ATP1A4: variants seen among roughly 807,000 people sequenced by gnomAD.
ATP1A4 encodes sodium/potassium-transporting ATPase subunit alpha-4.
ATP1A4 carries 90 observed loss-of-function variants against 114.3 expected under a neutral mutation model. The observed-to-expected ratio is 0.79, with a 90% confidence interval of 0.66 to 0.94. The LOEUF is 0.94. Ranked by LOEUF, ATP1A4 falls within the 40% of genes least tolerant of loss-of-function variation. ATP1A4 has a pLI of 0.00. For synonymous variants in ATP1A4, 511 were observed against 494.1 expected (o/e 1.03, Z -0.45); for missense variants, 1,222 against 1,313.6 (o/e 0.93, Z 1.08).
Position 160,177,597 on chromosome 1 carries a change from T to C in ATP1A4, c.2669T>C (p.Leu890Pro). The C allele has an allele frequency of 1.2e-6, 2 of 1,614,212 alleles. No individual in the cohort carries two copies. Among genetic ancestry groups the C allele is most frequent in the South Asian group, 1.1e-5 (1 of 91,082 alleles). Residue 890 changes from leucine to proline, a missense_variant, in exon 18 of 22, where the codon CTG becomes CCG. Leu to Pro is a moderately conservative substitution (Grantham distance 98). Coordinates refer to ENST00000368081, the MANE Select transcript of ATP1A4 (RefSeq NM_144699.4). Reference sequence around the variant, plus strand: ...AATGGTTTTAGGCCTGTTGATCTGCTGGGCATCCGCCTCCACTGGGAAGAT... The same window carrying C: ...AATGGTTTTAGGCCTGTTGATCTGCCGGGCATCCGCCTCCACTGGGAAGAT... The part of the protein sequence containing the change: ...AENGFRPVDL[L>P]GIRLHWEDKY...
rs1436275479 is a variant in ATP1A4 at position 160,176,606 on chromosome 1, C to T, written c.2590+4C>T. The T allele has an allele frequency of 6.8e-6, 11 of 1,613,060 alleles. No homozygotes were observed. Among genetic ancestry groups the T allele is most frequent in the Admixed American group, 1.7e-5 (1 of 59,988 alleles). ...GGCATGGCCTATGGACAGATTGGTG[C>T]GCCCAGAGGAATGAGGGGTGGAGGG... On this transcript the variant is annotated splice_donor_region_variant and intron_variant, in intron 17 of 21. Transcript: ENST00000368081.
In ATP1A4 at chr1:160,164,412, G is replaced by T. The variant is rs758204356; in HGVS notation, c.1035G>T (p.Leu345Phe). 2 of 1,614,092 alleles carry T rather than the reference G, an allele frequency of 1.2e-6. No individual in the cohort carries two copies. The change falls in exon 7 of 22, where the codon TTG (leucine) becomes TTT (phenylalanine). Residue 345 changes from leucine to phenylalanine, a missense_variant. Coordinates refer to ENST00000368081, the MANE Select transcript of ATP1A4 (RefSeq NM_144699.4). ...TGGCCAATGTGCCTGAGGGGCTGTT[G>T]GCCACAGTCACTGTGAGTAGACAGG... ...IIVANVPEGL[L>F]ATVTVCLTLT...
At position 160,176,565 on chromosome 1, in the gene ATP1A4, G is replaced by A; in HGVS notation, c.2553G>A (p.Val851=). ...GGAACCCAAAGACGGATAATCTGGT[G>A]AACCACCGTCTCATTGGCATGGCCT... The part of the protein sequence containing the change: ...LPRNPKTDNL[V]NHRLIGMAYG... The change falls in exon 17 of 22, where the codon GTG becomes GTA. Residue 851 remains valine, a synonymous_variant. Coordinates refer to ENST00000368081, the MANE Select transcript of ATP1A4 (RefSeq NM_144699.4). The A allele has an allele frequency of 6.2e-7, 1 of 1,614,124 alleles. No homozygotes were observed. Among genetic ancestry groups the A allele is most frequent in the Non-Finnish European group, 8.5e-7 (1 of 1,180,018 alleles).
At chr1:160,153,897 G>T (rs1255462698) in intron 2 of ATP1A4, among the ~76,000 whole-genome samples, 2 of 152,166 alleles carry the variant, frequency 1.3e-5, no homozygotes, top group Non-Finnish European at 2.9e-5. Context: ...TGGACCCCCT[G>T]AAAGGGTTTT....
Position 160,171,274 on chromosome 1 carries a change from C to A in ATP1A4, c.1515C>A (p.Asp505Glu), listed in dbSNP as rs760910264. ...KYQMSIHLRE[D>E]SSQTHVLMMK... ...AGATGTCCATCCACCTTCGGGAGGACAGCTCCCAGACCCACGTACTGATGA... is the reference window on the plus strand; with the variant it reads ...AGATGTCCATCCACCTTCGGGAGGAAAGCTCCCAGACCCACGTACTGATGA... Residue 505 changes from aspartate (D) to glutamate (E), a missense_variant, in exon 11 of 22, where the codon GAC (aspartate) becomes GAA (glutamate). Transcript: ENST00000368081. 6.2e-7 allele frequency: 1 copy of A among 1,613,878 alleles called. No individual in the cohort carries two copies. The highest frequency in any genetic ancestry group is 1.1e-5 in the South Asian group (1 of 91,046).
intron 18 of ATP1A4, among the ~76,000 whole-genome samples, chr1:160,180,738 G>A (rs980893612): frequency 1.9e-5 from 2 of 103,462 alleles, no homozygotes; most frequent in Non-Finnish European, 1.7e-5. Context: ...TTTTTGAGAC[G>A]GAGTCTCGCT....
Position 160,164,376 on chromosome 1 carries a change from T to G in ATP1A4, c.999T>G (p.Ile333Met). 1.2e-6 allele frequency: 2 copies of G among 1,614,146 alleles called. No homozygotes were observed. The highest frequency in any genetic ancestry group is 2.2e-5 in the South Asian group (2 of 91,078). ...YGWLEAIIFL[I>M]GIIVANVPEG... is the part of the protein sequence containing the mutation. ...GGCTGGAGGCTATCATTTTTCTCAT[T>G]GGCATCATTGTGGCCAATGTGCCTG... The change falls in exon 7 of 22, where the codon ATT (isoleucine) becomes ATG (methionine). Residue 333 changes from isoleucine (I) to methionine (M), a missense_variant. Ile to Met is a conservative substitution (Grantham distance 10). Transcript: ENST00000368081.
chr1:160,180,019 C>A (rs1653623519), intron 18 of ATP1A4, among the ~76,000 whole-genome samples: 1 of 152,236 alleles, frequency 6.6e-6, no homozygotes, highest in Non-Finnish European at 1.5e-5. Context: ...GAGTACAGGA[C>A]AACATCATTG....
chr1:160,185,617 C>G (rs1215880306), intron 20 of ATP1A4, among the ~76,000 whole-genome samples: 2 of 151,818 alleles, frequency 1.3e-5, no homozygotes, highest in Non-Finnish European at 2.9e-5. Context: ...GAAACCCCAT[C>G]TCTCCTAAAA....
intron 18 of ATP1A4, among the ~76,000 whole-genome samples, chr1:160,178,684 A>C (rs538327833): frequency 1.2e-4 from 19 of 152,300 alleles, no homozygotes; most frequent in Admixed American, 2.0e-4. Context: ...AAAGAAAAAA[A>C]AAAACAAAAC....
At chr1:160,172,730 T>A (rs935357777) in intron 12 of ATP1A4, among the ~76,000 whole-genome samples, 1 of 152,178 alleles carries the variant, frequency 6.6e-6, no homozygotes, top group African/African-American at 2.4e-5. Flanking sequence ...GAACTAGGTG[T>A]TCTCTGTTGG....
rs766625699 is a variant in ATP1A4 at position 160,171,591 on chromosome 1, GC to G, written c.1689del (p.Phe564SerfsTer2). The stretch of plus-strand genomic sequence containing the variant: ...TCCCTCTGTCTCTCTCCAGGCTTCT[GC>G]TTCTTGAATCTGCCTAGCAGCTTCT... ...GGLGERVLGF[C>X]FLNLPSSFSK... On this transcript the variant is annotated frameshift_variant, in exon 12 of 22. Transcript: ENST00000368081. LOFTEE classifies it high-confidence loss of function. 8 of 1,613,636 alleles carry G rather than the reference GC, an allele frequency of 5.0e-6. No individual in the cohort carries two copies. In the African/African-American group the frequency reaches 9.3e-5, roughly 19 times the overall value.
chr1:160,170,081 G>A (rs904050519), intron 10 of ATP1A4: 1 of 152,216 alleles, frequency 6.6e-6, no homozygotes, highest in Non-Finnish European at 1.5e-5. Context: ...CTGAGGTCAG[G>A]AATTCAAGAC....
rs772075724 is a variant in ATP1A4, at chr1:160,176,079, C to T, written c.2312-13C>T. 1.6e-5 allele frequency: 26 copies of T among 1,613,870 alleles called. No individual in the cohort carries two copies. In the South Asian group the frequency reaches 2.7e-4, roughly 17 times the overall value. On this transcript the variant is annotated splice_polypyrimidine_tract_variant and intron_variant, in intron 15 of 21. Transcript: ENST00000368081. ...CCCAGGGCTTCTCACAGGAGGTTGACCTTCCTCCCCAGGCCGCCTGATCTT... is the reference window on the plus strand; with the variant it reads ...CCCAGGGCTTCTCACAGGAGGTTGATCTTCCTCCCCAGGCCGCCTGATCTT...
intron 1 of ATP1A4, 142 bp downstream of exon 1, chr1:160,152,329 TAAAAA>T: frequency 5.9e-6 from 4 of 683,098 alleles, no homozygotes; most frequent in South Asian, 2.8e-5. Flanking sequence ...AGGAGAGGGT[TAAAAA>T]AAAAAAAAAA....
chr1:160,156,835 G>A (rs944093660), intron 4 of ATP1A4, among the ~76,000 whole-genome samples: 10 of 152,222 alleles, frequency 6.6e-5, no homozygotes, highest in South Asian at 2.1e-4. Context: ...CAACTATTCC[G>A]AGGGTGGTGG....
rs142655025 is a variant in ATP1A4, at chr1:160,178,133, G to A, written c.2736+469G>A. On this transcript the variant is annotated intron_variant, in intron 18 of 21. Coordinates refer to ENST00000368081, the MANE Select transcript of ATP1A4 (RefSeq NM_144699.4). ...GCACTTTGGGAGGCCGAAGTGGGCG[G>A]ATCACTTGAGGTTGGGAGTTGAGAC... 4.8e-3 allele frequency among the ~76,000 whole-genome samples: 728 copies of A among 152,166 alleles called. 8 individuals carry two copies. The highest frequency in any genetic ancestry group is 0.017 in the African/African-American group (706 of 41,484).
intron 10 of ATP1A4, chr1:160,170,681 T>C (rs2101642254): frequency 6.6e-6 from 1 of 151,396 alleles, no homozygotes; most frequent in South Asian, 2.1e-4. Flanking sequence ...CTTCCAGGGT[T>C]CCAGCGATTC....
chr1:160,167,940 T>C (rs1030875974), intron 10 of ATP1A4, among the ~76,000 whole-genome samples: 1 of 152,238 alleles, frequency 6.6e-6, no homozygotes, highest in African/African-American at 2.4e-5. Context: ...CTGTGTGTCT[T>C]GTAACTTCTT....
Sources: gnomAD v4.1 joint callset for allele counts (sites outside exome capture counted in the v4.1 genomes callset) on GRCh38, gnomAD v4.1.1 for gene constraint, MANE v1.5 for transcripts, NCBI Gene and HGNC (gene_info 2026-07-23, HGNC 2026-07-21) for gene names.